Variants in ENAH observed in about 807,000 individuals in gnomAD.
The protein encoded by ENAH is protein enabled homolog.
Under a neutral mutation model 78.7 loss-of-function variants are expected in ENAH, and 23 were observed. The observed-to-expected ratio is 0.29, with a 90% CI of 0.21 to 0.41. The LOEUF is 0.41. Ranked by LOEUF, ENAH falls within the 10% of genes least tolerant of loss-of-function variation. The pLI is 1.00. For missense variants in ENAH, 544 were observed against 691.0 expected, an observed-to-expected ratio of 0.79 and a Z score of 2.39; for synonymous variants, 226 against 241.0, an observed-to-expected ratio of 0.94 and a Z score of 0.58.
Position 225,490,073 on chromosome 1 carries a change from C to G in ENAH, c.*7702G>C, listed in dbSNP as rs1011493381. 6.6e-6 allele frequency: 1 copy of G among 152,028 alleles called. No individual in the cohort carries two copies. Among genetic ancestry groups the G allele is most frequent in the Non-Finnish European group, 1.5e-5 (1 of 68,024 alleles). The allele number at this position is 152,028 out of a possible 1,614,324, so 9.4% of individuals were successfully genotyped here. On this transcript the variant is annotated 3_prime_UTR_variant, in exon 14 of 14. Coordinates refer to ENST00000366843, the MANE Select transcript of ENAH (RefSeq NM_018212.6). ...AACTCAACTTTAGAGGTAGAAGGCT[C>G]AGAGAGAATGACTGACTAGCCCCAC...
chr1:225,600,676 G>A (rs2096926237), intron 1 of ENAH, among the ~76,000 whole-genome samples: 1 of 151,952 alleles, frequency 6.6e-6, no homozygotes, highest in Non-Finnish European at 1.5e-5. Flanking sequence ...TGGGCAACAA[G>A]GTGAGACTCT....
chr1:225,501,582 G>C (rs2096282494), intron 11 of ENAH, among the ~76,000 whole-genome samples: 1 of 152,164 alleles, frequency 6.6e-6, no homozygotes, highest in African/African-American at 2.4e-5. Context: ...AACATTTTTA[G>C]TGAGCATGAT....
upstream of ENAH, among the ~76,000 whole-genome samples, chr1:225,653,633 G>T (rs1332608012): frequency 6.6e-6 from 1 of 151,968 alleles, no homozygotes; most frequent in Non-Finnish European, 1.5e-5. The surrounding 1 kb of genome is among the most constrained non-coding windows in gnomAD (Gnocchi z 4.3). Context: ...ACGCGTGACT[G>T]GGCACAGGGC....
chr1:225,560,715 T>C (rs1442998777), intron 2 of ENAH, among the ~76,000 whole-genome samples: 1 of 152,198 alleles, frequency 6.6e-6, no homozygotes, highest in African/African-American at 2.4e-5. Flanking sequence ...TAGAAGACAC[T>C]AGAAACCCAA....
At chr1:225,598,149 C>G (rs2096911750) in intron 1 of ENAH, among the ~76,000 whole-genome samples, 1 of 152,138 alleles carries the variant, frequency 6.6e-6, no homozygotes, top group Non-Finnish European at 1.5e-5. Context: ...ATGACTCATG[C>G]ATGTGGTAGA....
At chr1:225,592,914 C>T (rs920868651) in intron 1 of ENAH, among the ~76,000 whole-genome samples, 1 of 152,166 alleles carries the variant, frequency 6.6e-6, no homozygotes, top group Non-Finnish European at 1.5e-5. Context: ...CTGTCCACTA[C>T]AGCTGGGGAA....
intron 4 of ENAH, among the ~76,000 whole-genome samples, chr1:225,527,599 T>C (rs560288516): frequency 6.6e-6 from 1 of 152,230 alleles, no homozygotes; most frequent in Non-Finnish European, 1.5e-5. Context: ...GTACGGGATA[T>C]ATGTCAAAGA....
intron 5 of ENAH, 194 bp from the exon 6 acceptor site, chr1:225,517,500 A>G (rs1445122901): frequency 3.2e-6 from 5 of 1,551,558 alleles, no homozygotes; most frequent in African/African-American, 2.7e-5. Flanking sequence ...CAACCAGCCC[A>G]TTGGGTGCTG....
intron 3 of ENAH, among the ~76,000 whole-genome samples, chr1:225,536,238 G>T (rs974558787): frequency 1.3e-5 from 2 of 151,774 alleles, no homozygotes; most frequent in Non-Finnish European, 2.9e-5. Context: ...CATTTATTTA[G>T]GCTATTTACA....
rs1264879583 is a variant in ENAH, at chr1:225,496,379, A to G, written c.*1396T>C. On this transcript the variant is annotated 3_prime_UTR_variant, in exon 14 of 14. Coordinates refer to ENST00000366843, the MANE Select transcript of ENAH (RefSeq NM_018212.6). The stretch of plus-strand genomic sequence containing the variant: ...GTCTCACTTTACTTATTAAAAGAAA[A>G]CTGCAGAACTCCTCATTGGTTTTCC... 5.9e-5 allele frequency: 9 copies of G among 152,316 alleles called. No homozygotes were observed. The highest frequency in any genetic ancestry group is 8.8e-5 in the Non-Finnish European group (6 of 68,026). 9.4% of individuals were successfully genotyped at this position (152,316 alleles called of 1,614,324 possible).
chr1:225,548,339 T>C (rs2096625283), intron 3 of ENAH, among the ~76,000 whole-genome samples: 1 of 152,092 alleles, frequency 6.6e-6, no homozygotes, highest in African/African-American at 2.4e-5. Flanking sequence ...AATTAGGAAA[T>C]AGCTTTAGAG....
intron 1 of ENAH, among the ~76,000 whole-genome samples, chr1:225,627,059 G>A (rs1658078803): frequency 6.6e-6 from 1 of 152,084 alleles, no homozygotes; most frequent in Non-Finnish European, 1.5e-5. Flanking sequence ...CTTTCTTCTG[G>A]CCTATCAAAA....
chr1:225,645,477 T>C lies in ENAH; in HGVS notation c.5+7209A>G, dbSNP rs140230126. ...GGTTATTTCTGCTTTTTGGCTGTTA[T>C]GAATAACGATACTATAGACATTTGT... On this transcript the variant is annotated intron_variant, in intron 1 of 13. Transcript: ENST00000366843. Among the ~76,000 whole-genome samples the C allele has an allele frequency of 6.3e-3, 966 of 152,332 alleles. 11 individuals are homozygous for C. Among genetic ancestry groups the C allele is most frequent in the African/African-American group, 0.022 (929 of 41,578 alleles).
At chr1:225,561,264 A>T (rs1239974800) in intron 2 of ENAH, among the ~76,000 whole-genome samples, 2 of 151,862 alleles carry the variant, frequency 1.3e-5, no homozygotes, top group Non-Finnish European at 2.9e-5. Flanking sequence ...ATCTGAATTA[A>T]TTCTTTCACT....
intron 1 of ENAH, among the ~76,000 whole-genome samples, chr1:225,608,196 A>G (rs2096966452): frequency 1.3e-5 from 2 of 150,188 alleles, no homozygotes; most frequent in African/African-American, 4.9e-5. Flanking sequence ...TAAATCCAAT[A>G]AAGGAGTTGG....
rs2096204939 is a variant in ENAH at position 225,487,389 on chromosome 1, A to G, written c.*10386T>C. The G allele has an allele frequency of 6.6e-6, 1 of 152,210 alleles. No homozygotes were observed. 9.4% of individuals were successfully genotyped at this position (152,210 alleles called of 1,614,324 possible). ...CTTAAACGTAGATGTCAAGCTTAGAAGATGTTTCCTGACAATGAGATCCTG... is the reference window on the plus strand; with the variant it reads ...CTTAAACGTAGATGTCAAGCTTAGAGGATGTTTCCTGACAATGAGATCCTG... On this transcript the variant is annotated 3_prime_UTR_variant, in exon 14 of 14. Coordinates refer to ENST00000366843, the MANE Select transcript of ENAH (RefSeq NM_018212.6).
chr1:225,587,548 C>T (rs1004682928), intron 1 of ENAH, among the ~76,000 whole-genome samples: 9 of 152,032 alleles, frequency 5.9e-5, no homozygotes, highest in African/African-American at 2.2e-4. Flanking sequence ...GGATTGGAAG[C>T]CTCAATATTG....
At chr1:225,612,278 C>G (rs546095560) in intron 1 of ENAH, among the ~76,000 whole-genome samples, 1 of 152,314 alleles carries the variant, frequency 6.6e-6, no homozygotes, top group South Asian at 2.1e-4. Flanking sequence ...ACTGCTATGA[C>G]ACGGATGAAC....
chr1:225,511,086 AAC>A (rs1488348113), intron 10 of ENAH, among the ~76,000 whole-genome samples: 1 of 152,184 alleles, frequency 6.6e-6, no homozygotes, highest in Non-Finnish European at 1.5e-5. Flanking sequence ...TTTAAATCAA[AAC>A]TGTAGGAATA....
Sources: allele counts gnomAD v4.1 joint callset (sites outside exome capture counted in the v4.1 genomes callset), GRCh38; gene constraint gnomAD v4.1.1; non-coding constraint Gnocchi (gnomAD v3.1); transcripts MANE v1.5; gene names NCBI Gene and HGNC (gene_info 2026-07-23, HGNC 2026-07-21).